LPCAT2: variants seen among roughly 807,000 people sequenced by gnomAD.
The protein encoded by LPCAT2 is lysophosphatidylcholine acyltransferase 2.
Under a neutral mutation model 64.7 loss-of-function variants are expected in LPCAT2, and 58 were observed. The ratio of observed to expected loss-of-function variants is 0.90; its 90% CI spans 0.73 to 1.12. LPCAT2 has a LOEUF of 1.12. Ranked by LOEUF, LPCAT2 falls within the 50% of genes most tolerant of loss-of-function variation. The probability of loss-of-function intolerance (pLI) is 0.00; values close to 1 mark genes in which losing one functional copy is unlikely to be tolerated. For synonymous variants in LPCAT2, 252 were observed against 245.3 expected (o/e 1.03, Z -0.26); for missense variants, 579 against 669.8 (o/e 0.86, Z 1.50).
chr16:55,562,004 GT>G (rs1963642085), intron 11 of LPCAT2, among the ~76,000 whole-genome samples: 1 of 152,010 alleles, frequency 6.6e-6, no homozygotes, highest in Admixed American at 6.6e-5. Context: ...TCATTATTCA[GT>G]TCTAGAATTA....
At chr16:55,525,177 C>T (rs1558667) in intron 1 of LPCAT2, among the ~76,000 whole-genome samples, 58,055 of 151,796 alleles carry the variant, frequency 0.38, 12,472 homozygotes, top group Non-Finnish European at 0.49. Context: ...GTTCAGGCTA[C>T]AACTCCTCCA....
chr16:55,553,709 A>G (rs1963543901), intron 11 of LPCAT2, among the ~76,000 whole-genome samples: 1 of 152,192 alleles, frequency 6.6e-6, no homozygotes, highest in Non-Finnish European at 1.5e-5. Context: ...AGAATGGTGA[A>G]TCTTTTCCAA....
intron 11 of LPCAT2, among the ~76,000 whole-genome samples, chr16:55,559,305 A>G (rs2142406176): frequency 6.6e-6 from 1 of 152,366 alleles, no homozygotes; most frequent in African/African-American, 2.4e-5. Context: ...AATACTGGAC[A>G]GGAAAAGTTT....
intron 3 of LPCAT2, among the ~76,000 whole-genome samples, chr16:55,529,029 C>T (rs1401689376): frequency 1.3e-5 from 2 of 152,090 alleles, no homozygotes; most frequent in African/African-American, 4.8e-5. Flanking sequence ...CATTATTGCC[C>T]CCCAAATCTC....
chr16:55,583,940 C>G lies in LPCAT2; in HGVS notation c.*842C>G, dbSNP rs1692607325. The stretch of plus-strand genomic sequence containing the variant: ...TCAGGTGATCCACCCACCTCAGCCT[C>G]CCAAAGTGCTGGGATTACAGGTGTG... On this transcript the variant is annotated 3_prime_UTR_variant, in exon 14 of 14. Transcript: ENST00000262134. The G allele has an allele frequency of 6.6e-6, 1 of 152,214 alleles. No individual in the cohort carries two copies. Among genetic ancestry groups the G allele is most frequent in the Non-Finnish European group, 1.5e-5 (1 of 68,068 alleles). 9.4% of individuals were successfully genotyped at this position (152,214 alleles called of 1,614,324 possible).
At chr16:55,563,401 T>A (rs1284023637) in intron 11 of LPCAT2, among the ~76,000 whole-genome samples, 1 of 151,544 alleles carries the variant, frequency 6.6e-6, no homozygotes, top group African/African-American at 2.4e-5. Context: ...ATAAAAACAC[T>A]TGGAGAGAAG....
chr16:55,553,936 C>T (rs1448805965), intron 11 of LPCAT2, among the ~76,000 whole-genome samples: 1 of 152,136 alleles, frequency 6.6e-6, no homozygotes, highest in Non-Finnish European at 1.5e-5. Flanking sequence ...CATCAGAGCT[C>T]TTGGGTAACT....
chr16:55,541,720 C>CA (rs1963398968), intron 8 of LPCAT2: 1 of 412,526 alleles, frequency 2.4e-6, no homozygotes, highest in Non-Finnish European at 4.0e-6. Context: ...TTCTCACTGA[C>CA]AAAAATGGGG....
intron 8 of LPCAT2, chr16:55,538,501 A>G (rs1241863548): frequency 1.3e-5 from 2 of 152,174 alleles, no homozygotes; most frequent in East Asian, 3.9e-4. Context: ...TGATTTGGCC[A>G]TTTAGAGACT....
At chr16:55,564,780 T>G (rs1963673845) in intron 11 of LPCAT2, among the ~76,000 whole-genome samples, 1 of 151,990 alleles carries the variant, frequency 6.6e-6, no homozygotes, top group Admixed American at 6.6e-5. Flanking sequence ...ACACTGGATT[T>G]CTCAATGATT....
chr16:55,574,406 C>T (rs1474108198), intron 11 of LPCAT2, among the ~76,000 whole-genome samples: 1 of 152,070 alleles, frequency 6.6e-6, no homozygotes, highest in Non-Finnish European at 1.5e-5. Context: ...GATAAATGGC[C>T]CCAGTCATAA....
intron 8 of LPCAT2, among the ~76,000 whole-genome samples, chr16:55,537,915 A>G (rs760088938): frequency 2.6e-5 from 4 of 152,154 alleles, no homozygotes; most frequent in African/African-American, 4.8e-5. Context: ...TGAATGATAT[A>G]TTTTCACATC....
chr16:55,568,061 T>C (rs1301983884), intron 11 of LPCAT2, among the ~76,000 whole-genome samples: 2 of 152,170 alleles, frequency 1.3e-5, no homozygotes, highest in Non-Finnish European at 2.9e-5. Context: ...GACAATGAAA[T>C]TAAGCAGTTT....
At chr16:55,573,400 T>G (rs984944159) in intron 11 of LPCAT2, among the ~76,000 whole-genome samples, 3 of 151,700 alleles carry the variant, frequency 2.0e-5, no homozygotes, top group Non-Finnish European at 4.4e-5. Context: ...TTTTGTTTTT[T>G]TTTTTCTTAG....
At chr16:55,546,471 G>A (rs1450633073) in intron 9 of LPCAT2, among the ~76,000 whole-genome samples, 1 of 152,246 alleles carries the variant, frequency 6.6e-6, no homozygotes, top group Middle Eastern at 3.4e-3. Flanking sequence ...CCAGTAGTAG[G>A]TTTGGAGCTA....
intron 12 of LPCAT2, among the ~76,000 whole-genome samples, chr16:55,575,037 T>A (rs1426794007): frequency 2.6e-5 from 4 of 152,028 alleles, no homozygotes; most frequent in Admixed American, 2.0e-4. Flanking sequence ...AAGGGAAGTT[T>A]ATAAATAAAC....
chr16:55,566,675 A>G, intron 11 of LPCAT2: 1 of 1,454,732 alleles, frequency 6.9e-7, no homozygotes. Flanking sequence ...GTTCTTCCAC[A>G]TGTAAACTAC....
chr16:55,525,750 G>T, intron 2 of LPCAT2, 103 bp downstream of exon 2: 1 of 783,432 alleles, frequency 1.3e-6, no homozygotes, highest in South Asian at 4.8e-5. Context: ...TGATCTAACT[G>T]CTGTTAGATA....
At chr16:55,532,327 A>G (rs1475768090) in intron 5 of LPCAT2, 1 of 178,152 alleles carries the variant, frequency 5.6e-6, no homozygotes, top group East Asian at 1.5e-4. Context: ...CTCTTTTTTA[A>G]CATTAGAAGT....
Sources: allele counts gnomAD v4.1 joint callset (sites outside exome capture counted in the v4.1 genomes callset), GRCh38; gene constraint gnomAD v4.1.1; transcripts MANE v1.5; gene names NCBI Gene and HGNC (gene_info 2026-07-23, HGNC 2026-07-21).